The following MTOR variants were observed in gnomAD, a reference collection of about 807,000 sequenced individuals.
MTOR encodes the protein mechanistic target of rapamycin kinase.
MTOR carries 70 observed loss-of-function variants against 319.8 expected under a neutral mutation model. The ratio of observed to expected loss-of-function variants is 0.22; its 90% CI spans 0.18 to 0.27. The LOEUF (loss-of-function observed/expected upper bound fraction) is 0.27, where lower values mean the gene tolerates loss of function less well. MTOR is among the 10% of genes least tolerant of loss of function. The pLI, the probability that MTOR is intolerant of heterozygous loss-of-function variation, is 1.00. For missense variants in MTOR, 1,890 were observed against 3,274.4 expected (o/e 0.58, Z 10.32); for synonymous variants, 1,183 against 1,211.4 (o/e 0.98, Z 0.49).
chr1:11,172,507 C>T (rs1644848066), intron 28 of MTOR, among the ~76,000 whole-genome samples: 1 of 146,086 alleles, frequency 6.8e-6, no homozygotes, highest in Admixed American at 7.0e-5. Context: ...TTGCTGTGAG[C>T]CGAGATCACA....
chr1:11,166,146 G>C (rs559698627), intron 29 of MTOR, among the ~76,000 whole-genome samples: 54 of 152,254 alleles, frequency 3.5e-4, no homozygotes, highest in African/African-American at 1.3e-3. Context: ...AAAAACCCTA[G>C]AAGAAAACCT....
intron 30 of MTOR, 102 bp downstream of exon 30, chr1:11,157,050 T>A: frequency 1.4e-6 from 2 of 1,418,882 alleles, no homozygotes; most frequent in Middle Eastern, 2.5e-4. Flanking sequence ...AAAATGAGTC[T>A]GAAGTGAGAA....
At chr1:11,108,646 G>T (rs191917126) in intron 56 of MTOR, among the ~76,000 whole-genome samples, 2 of 151,156 alleles carry the variant, frequency 1.3e-5, no homozygotes, top group Non-Finnish European at 2.9e-5. Context: ...CTGGAAGGTG[G>T]AGGTTGCAGT....
chr1:11,190,459 A>T (rs1645483008), intron 28 of MTOR, among the ~76,000 whole-genome samples: 1 of 152,224 alleles, frequency 6.6e-6, no homozygotes. Context: ...TCATTGGCTC[A>T]GAGTTAAGTG....
chr1:11,236,889 C>A (rs1031134505), intron 13 of MTOR, among the ~76,000 whole-genome samples: 3 of 152,112 alleles, frequency 2.0e-5, no homozygotes, highest in Non-Finnish European at 4.4e-5. Flanking sequence ...CTAACGCAGG[C>A]CGGCAGTTAA....
intron 19 of MTOR, among the ~76,000 whole-genome samples, chr1:11,223,611 T>C (rs1443724862): frequency 6.6e-6 from 1 of 151,168 alleles, no homozygotes; most frequent in Non-Finnish European, 1.5e-5. Context: ...TTAAGAAAAA[T>C]TAAAGGTGGC....
chr1:11,195,143 CA>C, intron 28 of MTOR: 2 of 1,098,844 alleles, frequency 1.8e-6, no homozygotes, highest in South Asian at 3.3e-5. Context: ...CTATAATCTC[CA>C]AAGAAAGAAT....
intron 33 of MTOR, 53 bp downstream of exon 33, chr1:11,144,915 A>G (rs1643882712): frequency 3.1e-6 from 5 of 1,594,034 alleles, no homozygotes; most frequent in Non-Finnish European, 4.3e-6. Flanking sequence ...ATTCTGAAAA[A>G]AGTATGGAAA....
intron 6 of MTOR, 68 bp from the exon 7 acceptor site, chr1:11,248,162 T>C: frequency 5.5e-6 from 8 of 1,465,046 alleles, no homozygotes; most frequent in Non-Finnish European, 7.4e-6. Context: ...CACTGTGGAT[T>C]CTACAGACAA....
intron 24 of MTOR, 62 bp from the exon 25 acceptor site, chr1:11,209,520 T>C: frequency 6.3e-7 from 1 of 1,590,654 alleles, no homozygotes; most frequent in Admixed American, 1.7e-5. Context: ...GTTTAGGAAA[T>C]ATCCTTAAAT....
At position 11,208,220 on chromosome 1, in the gene MTOR, G is replaced by C. The variant is rs549226306; in HGVS notation, c.3801+1092C>G. Among the ~76,000 whole-genome samples the C allele has an allele frequency of 9.8e-5, 15 of 152,350 alleles. No homozygotes were observed. In the South Asian group the frequency reaches 2.7e-3, roughly 27 times the overall value. On this transcript the variant is annotated intron_variant, in intron 25 of 57. Transcript: ENST00000361445. ...TTCTTCCTCCTAAAGTCTCAGAGTA[G>C]CAGTTACAAAATCCCCAGAGGGAAA...
chr1:11,118,228 ATT>A (rs771785403), intron 49 of MTOR, among the ~76,000 whole-genome samples: 81 of 120,714 alleles, frequency 6.7e-4, no homozygotes, highest in African/African-American at 2.9e-3. Context: ...AACTTAGTTA[ATT>A]TTTTTTTTTT....
intron 31 of MTOR, among the ~76,000 whole-genome samples, chr1:11,149,740 A>G (rs529811120): frequency 1.3e-5 from 2 of 152,268 alleles, no homozygotes; most frequent in South Asian, 4.1e-4. Flanking sequence ...GCTATTTCCA[A>G]GTAGATAGGG....
intron 28 of MTOR, among the ~76,000 whole-genome samples, chr1:11,196,626 G>A (rs1217492710): frequency 1.3e-5 from 2 of 152,050 alleles, no homozygotes; most frequent in African/African-American, 4.8e-5. Context: ...AGGCCGAGGC[G>A]GGTGGATCAC....
At chr1:11,163,544 C>T (rs1306896338) in intron 29 of MTOR, among the ~76,000 whole-genome samples, 1 of 152,196 alleles carries the variant, frequency 6.6e-6, no homozygotes, top group African/African-American at 2.4e-5. Flanking sequence ...TAAAGCACTC[C>T]TCAGCAAATG....
At chr1:11,112,743 A>C in intron 54 of MTOR, 109 bp downstream of exon 54, 1 of 1,126,678 alleles carries the variant, frequency 8.9e-7, no homozygotes, top group South Asian at 1.3e-5. Flanking sequence ...CAAGGGGGAG[A>C]GCCTCTGTAA....
chr1:11,141,146 CACT>C (rs1161847107), intron 34 of MTOR, among the ~76,000 whole-genome samples: 1 of 151,994 alleles, frequency 6.6e-6, no homozygotes, highest in African/African-American at 2.4e-5. Context: ...GATAGGGTCT[CACT>C]CTGTCACCCA....
At chr1:11,228,530 T>C (rs1646919863) in intron 19 of MTOR, 138 bp downstream of exon 19, 2 of 1,162,382 alleles carry the variant, frequency 1.7e-6, no homozygotes, top group South Asian at 1.5e-5. Flanking sequence ...GTACACTTTA[T>C]ATGTTGGGAG....
At chr1:11,193,840 G>A (rs971408868) in intron 28 of MTOR, 71 of 1,490,532 alleles carry the variant, frequency 4.8e-5, no homozygotes, top group East Asian at 1.2e-4. Flanking sequence ...GTACAACTCC[G>A]GGGGTGCCAT....
Sources: gnomAD v4.1 joint callset for allele counts (sites outside exome capture counted in the v4.1 genomes callset) on GRCh38, gnomAD v4.1.1 for gene constraint, MANE v1.5 for transcripts, NCBI Gene and HGNC (gene_info 2026-07-23, HGNC 2026-07-21) for gene names.